Variants in C10orf143 observed in about 807,000 individuals in gnomAD.
C10orf143 encodes uncharacterized protein C10orf143.
downstream of C10orf143, among the ~76,000 whole-genome samples, chr10:130,060,172 C>T (rs1282519567): frequency 6.6e-6 from 1 of 151,936 alleles, no homozygotes; most frequent in Non-Finnish European, 1.5e-5. Context: ...CAAAGTGCTC[C>T]ATGCTAAAAA....
chr10:130,042,997 G>A (rs559456453), intron 3 of C10orf143, among the ~76,000 whole-genome samples: 48 of 152,310 alleles, frequency 3.2e-4, no homozygotes, highest in African/African-American at 1.0e-3. Context: ...GAAAAAACTC[G>A]GAGACAGTGC....
At chr10:130,095,188 C>T (rs887006758) in intron 1 of C10orf143, among the ~76,000 whole-genome samples, 1 of 150,550 alleles carries the variant, frequency 6.6e-6, no homozygotes, top group Non-Finnish European at 1.5e-5. Flanking sequence ...AGGACCTCTT[C>T]ACAATTGCTA....
At chr10:130,107,036 A>G in intron 1 of C10orf143, 1 of 1,379,590 alleles carries the variant, frequency 7.2e-7, no homozygotes, top group South Asian at 1.2e-5. Flanking sequence ...AGAAGGAGAA[A>G]GAAACCAAAT....
At chr10:130,105,900 C>A in intron 1 of C10orf143, 5 of 364,634 alleles carry the variant, frequency 1.4e-5, no homozygotes, top group South Asian at 1.1e-4. Context: ...GCGCCCGCAT[C>A]CCCCAGCTCC....
intron 1 of C10orf143, among the ~76,000 whole-genome samples, chr10:130,109,554 G>A (rs942637174): frequency 1.3e-5 from 2 of 152,082 alleles, no homozygotes; most frequent in Non-Finnish European, 2.9e-5. Flanking sequence ...ACCCTAACCT[G>A]CTATATTACT....
chr10:130,106,270 G>A (rs1861645386), intron 1 of C10orf143: 1 of 1,564,152 alleles, frequency 6.4e-7, no homozygotes, highest in Non-Finnish European at 8.8e-7. Flanking sequence ...TGGGAAGAGA[G>A]AAAAAGCTTG....
chr10:130,037,069 GGACTATTT>G (rs1318538325), intron 3 of C10orf143, among the ~76,000 whole-genome samples: 1 of 152,090 alleles, frequency 6.6e-6, no homozygotes, highest in African/African-American at 2.4e-5. Context: ...AAGCAGAATT[GGACTATTT>G]TGGAAAGCTT....
At chr10:130,102,167 T>C (rs1019232008) in intron 1 of C10orf143, among the ~76,000 whole-genome samples, 5 of 152,206 alleles carry the variant, frequency 3.3e-5, no homozygotes, top group Non-Finnish European at 5.9e-5. Flanking sequence ...CTTATGTTTA[T>C]TGAGCCTTCC....
chr10:130,035,515 G>A (rs530484415), intron 4 of C10orf143, among the ~76,000 whole-genome samples: 29 of 152,336 alleles, frequency 1.9e-4, no homozygotes, highest in African/African-American at 6.7e-4. Context: ...AGGCTGCAAA[G>A]GGGTGCAGCT....
At chr10:130,091,205 G>A (rs191375450) in intron 1 of C10orf143, among the ~76,000 whole-genome samples, 97 of 152,318 alleles carry the variant, frequency 6.4e-4, no homozygotes, top group African/African-American at 2.2e-3. Flanking sequence ...CCTCTGGGAC[G>A]AAGCTTCCAG....
chr10:130,051,006 G>A (rs1860731043), intron 3 of C10orf143, among the ~76,000 whole-genome samples: 2 of 152,174 alleles, frequency 1.3e-5, no homozygotes, highest in Admixed American at 6.5e-5. Flanking sequence ...GTGCAGCGCT[G>A]GCTGTGATTA....
At chr10:130,103,110 C>T (rs1164074148) in intron 1 of C10orf143, among the ~76,000 whole-genome samples, 1 of 151,990 alleles carries the variant, frequency 6.6e-6, no homozygotes, top group Non-Finnish European at 1.5e-5. Context: ...TCCCAAGTAG[C>T]TGAGATTACA....
At chr10:130,095,137 G>C (rs904977997) in intron 1 of C10orf143, among the ~76,000 whole-genome samples, 4 of 151,662 alleles carry the variant, frequency 2.6e-5, no homozygotes, top group Non-Finnish European at 5.9e-5. Context: ...TTGCTACAAA[G>C]AGAATAAAAT....
At chr10:130,046,396 CA>C (rs1213193651) in intron 3 of C10orf143, among the ~76,000 whole-genome samples, 4 of 152,120 alleles carry the variant, frequency 2.6e-5, no homozygotes, top group Admixed American at 1.3e-4. Context: ...TGCGGGACCC[CA>C]CACGGAAGGC....
intron 1 of C10orf143, among the ~76,000 whole-genome samples, chr10:130,081,543 G>T (rs1283599301): frequency 6.6e-6 from 1 of 151,992 alleles, no homozygotes; most frequent in African/African-American, 2.4e-5. Context: ...AGAACTCACA[G>T]CACAGTTACA....
intron 3 of C10orf143, among the ~76,000 whole-genome samples, chr10:130,047,602 C>T (rs1860691755): frequency 6.6e-6 from 1 of 152,232 alleles, no homozygotes; most frequent in Non-Finnish European, 1.5e-5. Flanking sequence ...GCGTCCAGAG[C>T]TGGTCAGACC....
chr10:130,073,907 C>G (rs1453868821), intron 3 of C10orf143, among the ~76,000 whole-genome samples: 8 of 152,144 alleles, frequency 5.3e-5, no homozygotes, highest in Non-Finnish European at 1.2e-4. Flanking sequence ...TCATACCCAT[C>G]TATTCTGGGA....
At chr10:130,048,602 C>T (rs566908302) in intron 3 of C10orf143, among the ~76,000 whole-genome samples, 1 of 152,284 alleles carries the variant, frequency 6.6e-6, no homozygotes, top group South Asian at 2.1e-4. Flanking sequence ...CTTTTAGGCT[C>T]CAAGGGCCAC....
chr10:130,045,303 G>C (rs926134253), intron 3 of C10orf143, among the ~76,000 whole-genome samples: 87 of 152,350 alleles, frequency 5.7e-4, no homozygotes, highest in African/African-American at 2.0e-3. Context: ...TGCTCTTCCC[G>C]GCTCCTGAAA....
Sources: allele counts gnomAD v4.1 joint callset (sites outside exome capture counted in the v4.1 genomes callset), GRCh38; gene constraint gnomAD v4.1.1; transcripts MANE v1.5; gene names NCBI Gene and HGNC (gene_info 2026-07-23, HGNC 2026-07-21).